SPIDR: variants seen among roughly 807,000 people sequenced by gnomAD.
SPIDR encodes DNA repair-scaffolding protein.
A neutral mutation model predicts 104.6 loss-of-function variants in SPIDR; 93 were observed. The ratio of observed to expected loss-of-function variants is 0.89; its 90% CI spans 0.75 to 1.06. The LOEUF is 1.06. Ranked by LOEUF, SPIDR falls within the 50% of genes least tolerant of loss-of-function variation. The pLI is 0.00. For missense variants in SPIDR, 1,154 were observed against 1,111.2 expected (o/e 1.04, Z -0.55); for synonymous variants, 431 against 416.9 (o/e 1.03, Z -0.41).
At chr8:47,666,132 CTG>C (rs1027371561) in intron 10 of SPIDR, among the ~76,000 whole-genome samples, 7 of 152,118 alleles carry the variant, frequency 4.6e-5, no homozygotes, top group African/African-American at 1.4e-4. Context: ...GGCCTTTAAA[CTG>C]TGCTGTCCAA....
chr8:47,326,650 T>A (rs1264262896), intron 5 of SPIDR, among the ~76,000 whole-genome samples: 6 of 152,258 alleles, frequency 3.9e-5, no homozygotes, highest in African/African-American at 1.4e-4. Context: ...AACACCAGTC[T>A]GCTTTCTGTC....
At chr8:47,502,395 C>T (rs1016646461) in intron 8 of SPIDR, among the ~76,000 whole-genome samples, 3 of 152,166 alleles carry the variant, frequency 2.0e-5, no homozygotes, top group Non-Finnish European at 2.9e-5. Flanking sequence ...AGGAATTTAT[C>T]CATTTCTTCT....
chr8:47,670,904 G>T (rs2075700690), intron 10 of SPIDR, among the ~76,000 whole-genome samples: 1 of 151,982 alleles, frequency 6.6e-6, no homozygotes, highest in South Asian at 2.1e-4. Flanking sequence ...ACGTAATTTA[G>T]AAATCATTTT....
At chr8:47,585,498 C>T (rs2060166760) in intron 8 of SPIDR, among the ~76,000 whole-genome samples, 1 of 151,988 alleles carries the variant, frequency 6.6e-6, no homozygotes, top group Non-Finnish European at 1.5e-5. Flanking sequence ...AGATCAACTT[C>T]CTTCTTTCTC....
At chr8:47,454,032 CTG>C (rs1212236891) in intron 8 of SPIDR, among the ~76,000 whole-genome samples, 2 of 152,148 alleles carry the variant, frequency 1.3e-5, no homozygotes, top group African/African-American at 4.8e-5. Flanking sequence ...ATTGGTGGGA[CTG>C]TAAACTGGTT....
chr8:47,335,882 A>G (rs903143321), intron 5 of SPIDR, among the ~76,000 whole-genome samples: 1 of 143,094 alleles, frequency 7.0e-6, no homozygotes, highest in Non-Finnish European at 1.5e-5. Flanking sequence ...TTTTTGTTAG[A>G]TTTTTCTGTA....
chr8:47,401,862 T>A (rs1411924452), intron 6 of SPIDR, among the ~76,000 whole-genome samples: 3 of 152,194 alleles, frequency 2.0e-5, no homozygotes, highest in African/African-American at 7.2e-5. Flanking sequence ...CAAAGAGACT[T>A]AGACTCCCAC....
intron 8 of SPIDR, among the ~76,000 whole-genome samples, chr8:47,549,398 T>G (rs1308477186): frequency 6.6e-6 from 1 of 152,258 alleles, no homozygotes; most frequent in South Asian, 2.1e-4. Flanking sequence ...AGTGTAAAAG[T>G]GTTCCTATTT....
chr8:47,366,961 G>C (rs1563756401), intron 5 of SPIDR, among the ~76,000 whole-genome samples: 1 of 152,192 alleles, frequency 6.6e-6, no homozygotes, highest in Non-Finnish European at 1.5e-5. Flanking sequence ...ATGACCTCCA[G>C]TAGACCCACT....
chr8:47,501,895 A>T (rs1378163847), intron 8 of SPIDR, among the ~76,000 whole-genome samples: 5 of 152,160 alleles, frequency 3.3e-5, no homozygotes, highest in African/African-American at 1.2e-4. Flanking sequence ...GCCTCTATTC[A>T]GATAATCATA....
chr8:47,624,923 A>G (rs2065805685), intron 10 of SPIDR, among the ~76,000 whole-genome samples: 1 of 152,220 alleles, frequency 6.6e-6, no homozygotes, highest in Admixed American at 6.5e-5. Flanking sequence ...AGCCTGGCAG[A>G]GACACAACCA....
intron 8 of SPIDR, among the ~76,000 whole-genome samples, chr8:47,543,073 TTAAC>T (rs974594498): frequency 1.1e-4 from 16 of 152,312 alleles, no homozygotes; most frequent in African/African-American, 2.6e-4. Context: ...ATCAGTTTGT[TTAAC>T]TATTCACCCA....
At chr8:47,456,401 T>C (rs2072982911) in intron 8 of SPIDR, among the ~76,000 whole-genome samples, 1 of 152,190 alleles carries the variant, frequency 6.6e-6, no homozygotes, top group African/African-American at 2.4e-5. Context: ...ACATTTTGGC[T>C]AAGTCACTCA....
chr8:47,475,821 CT>C (rs1167853412), intron 8 of SPIDR, among the ~76,000 whole-genome samples: 1 of 152,118 alleles, frequency 6.6e-6, no homozygotes, highest in Non-Finnish European at 1.5e-5. Flanking sequence ...CCCCGCACCC[CT>C]TTTTGTAAAG....
intron 5 of SPIDR, among the ~76,000 whole-genome samples, chr8:47,320,967 T>C (rs955367846): frequency 1.3e-5 from 2 of 152,192 alleles, no homozygotes; most frequent in Non-Finnish European, 2.9e-5. Flanking sequence ...AAGAGATATC[T>C]ATGACAAACC....
At chr8:47,436,294 G>C (rs1323994483) in intron 7 of SPIDR, among the ~76,000 whole-genome samples, 1 of 152,216 alleles carries the variant, frequency 6.6e-6, no homozygotes, top group African/African-American at 2.4e-5. Context: ...TGGACAAGGT[G>C]ATATTTTGGC....
intron 5 of SPIDR, among the ~76,000 whole-genome samples, chr8:47,324,801 A>T (rs1243808278): frequency 6.6e-6 from 1 of 152,194 alleles, no homozygotes; most frequent in African/African-American, 2.4e-5. Context: ...TGCTGCGATG[A>T]TAAAGTACTA....
chr8:47,735,103 T>G lies in SPIDR; in HGVS notation c.2605-204T>G, dbSNP rs533783843. On this transcript the variant is annotated intron_variant, in intron 19 of 19. Transcript: ENST00000297423. Reference sequence around the variant, plus strand: ...AAATAAATGGGTGTGTGGGTGTGTGTGTGTGTGGGTGTGTGTGTGTGTGTG... The same window carrying G: ...AAATAAATGGGTGTGTGGGTGTGTGGGTGTGTGGGTGTGTGTGTGTGTGTG... Among the ~76,000 whole-genome samples the G allele has an allele frequency of 4.1e-3, 582 of 142,278 alleles. 2 individuals are homozygous for G. The highest frequency in any genetic ancestry group is 0.024 in the South Asian group (107 of 4,542). 93.3% of individuals were successfully genotyped at this position (142,278 alleles called of 152,430 possible). A position where few individuals can be genotyped will look rare whatever the true frequency, so the allele number is the denominator to read the frequency against.
chr8:47,263,619 A>G (rs1231401095), intron 1 of SPIDR, among the ~76,000 whole-genome samples: 2 of 152,178 alleles, frequency 1.3e-5, no homozygotes, highest in African/African-American at 4.8e-5. Flanking sequence ...GCGCCCGGCC[A>G]TGAAATCTTA....
Sources: allele counts gnomAD v4.1 joint callset (sites outside exome capture counted in the v4.1 genomes callset), GRCh38; gene constraint gnomAD v4.1.1; transcripts MANE v1.5; gene names NCBI Gene and HGNC (gene_info 2026-07-23, HGNC 2026-07-21).